The following TMEM126A variants were observed in gnomAD, a reference collection of about 807,000 sequenced individuals.
The protein encoded by TMEM126A is transmembrane protein 126A, also known as optic atrophy 7.
Under a neutral mutation model 18.3 loss-of-function variants are expected in TMEM126A, and 10 were observed. That is an observed-to-expected ratio of 0.55 (90% CI 0.34 to 0.93). The LOEUF (loss-of-function observed/expected upper bound fraction) is 0.93, where lower values mean the gene tolerates loss of function less well. TMEM126A is among the 40% of genes least tolerant of loss of function. The probability of loss-of-function intolerance (pLI) is 0.02; values close to 1 mark genes in which losing one functional copy is unlikely to be tolerated. For missense variants in TMEM126A, 246 were observed against 230.2 expected (o/e 1.07, Z -0.44); for synonymous variants, 68 against 78.1 (o/e 0.87, Z 0.68).
At chr11:85,654,879 T>C (rs1332790961) in intron 3 of TMEM126A, among the ~76,000 whole-genome samples, 2 of 150,540 alleles carry the variant, frequency 1.3e-5, no homozygotes, top group African/African-American at 2.4e-5. Flanking sequence ...CAAATGTATA[T>C]AAATAATATG....
chr11:85,653,151 TAGAA>T (rs1184624479), intron 2 of TMEM126A, among the ~76,000 whole-genome samples: 3 of 152,210 alleles, frequency 2.0e-5, no homozygotes, highest in African/African-American at 7.2e-5. Context: ...ACCTTGAAGA[TAGAA>T]GGTAATTTTT....
In TMEM126A at chr11:85,656,534, G is replaced by T; in HGVS notation, c.*33G>T. Reference sequence around the variant, plus strand: ...CAAATATGTAAACAAAAATAAAATGGTAAAAACAGTTTATGTCTAATGTTA... The same window carrying T: ...CAAATATGTAAACAAAAATAAAATGTTAAAAACAGTTTATGTCTAATGTTA... On this transcript the variant is annotated 3_prime_UTR_variant, in exon 5 of 5. Transcript: ENST00000304511. 6.5e-7 allele frequency: 1 copy of T among 1,541,954 alleles called. No individual in the cohort carries two copies. Among genetic ancestry groups the T allele is most frequent in the Non-Finnish European group, 8.9e-7 (1 of 1,120,638 alleles).
rs1240627160 is a variant in TMEM126A at position 85,653,016 on chromosome 11, A to G, written c.87-1047A>G. On this transcript the variant is annotated intron_variant, in intron 2 of 4. Transcript: ENST00000304511. ...GTAGGTTCTCCAGACTGTCATCACT[A>G]ATTATAATCTATGTACTCCAAGTTC... Among the ~76,000 whole-genome samples the G allele has an allele frequency of 5.9e-5, 9 of 152,162 alleles. No homozygotes were observed. The East Asian group carries it at 1.7e-3, about 29-fold the overall frequency.
intron 2 of TMEM126A, among the ~76,000 whole-genome samples, chr11:85,652,126 TGCAC>T (rs1448091961): frequency 6.6e-6 from 1 of 152,228 alleles, no homozygotes; most frequent in Non-Finnish European, 1.5e-5. Context: ...ATCATGCCAC[TGCAC>T]TCCAGCCTGG....
intron 2 of TMEM126A, among the ~76,000 whole-genome samples, chr11:85,653,496 A>G (rs959063420): frequency 6.6e-6 from 1 of 152,244 alleles, no homozygotes; most frequent in African/African-American, 2.4e-5. Flanking sequence ...TCCCAAAACT[A>G]AAGAATGCAT....
At chr11:85,648,888 A>T (rs775622754) in intron 1 of TMEM126A, among the ~76,000 whole-genome samples, 2 of 152,120 alleles carry the variant, frequency 1.3e-5, no homozygotes, top group African/African-American at 2.4e-5. Context: ...GAAATGAGAA[A>T]ATCTGGTTTC....
intron 2 of TMEM126A, among the ~76,000 whole-genome samples, chr11:85,650,940 G>A (rs777150045): frequency 7.9e-5 from 12 of 151,798 alleles, no homozygotes; most frequent in Non-Finnish European, 1.3e-4. Context: ...GTGGTGGCAG[G>A]TGCCTGTAAT....
Position 85,656,456 on chromosome 11 carries a change from T to C in TMEM126A, c.543T>C (p.Leu181=). The C allele has an allele frequency of 4.3e-6, 7 of 1,613,298 alleles. No homozygotes were observed. Among genetic ancestry groups the C allele is most frequent in the Non-Finnish European group, 5.9e-6 (7 of 1,179,610 alleles). ...TTGGGTCTGAACAATATAAACTACT[T>C]ATAAAGGCCCTTCAGTTATCTGAAC... ...AYLGSEQYKL[L]IKALQLSEPG... Residue 181 remains leucine (L), a synonymous_variant, in exon 5 of 5, where the codon CTT becomes CTC. Coordinates refer to ENST00000304511, the MANE Select transcript of TMEM126A (RefSeq NM_032273.4).
chr11:85,654,831 T>C (rs1411423198), intron 3 of TMEM126A, among the ~76,000 whole-genome samples: 1 of 150,804 alleles, frequency 6.6e-6, no homozygotes, highest in East Asian at 1.9e-4. Flanking sequence ...TATATACATA[T>C]ATATGAAAAT....
At chr11:85,648,252 G>A (rs910617773) in intron 1 of TMEM126A, among the ~76,000 whole-genome samples, 163 bp downstream of exon 1, 1 of 152,218 alleles carries the variant, frequency 6.6e-6, no homozygotes, top group East Asian at 1.9e-4. Flanking sequence ...TAGAAGGAAA[G>A]ACCTTATATT....
intron 1 of TMEM126A, among the ~76,000 whole-genome samples, chr11:85,648,420 C>T (rs2082476499): frequency 6.6e-6 from 1 of 152,148 alleles, no homozygotes; most frequent in Non-Finnish European, 1.5e-5. Flanking sequence ...CAGAGCTCTT[C>T]CAAGAATGAC....
At position 85,654,161 on chromosome 11, in the gene TMEM126A, A is replaced by C. The variant is rs745535321; in HGVS notation, c.185A>C (p.Lys62Thr). 4 of 1,614,188 alleles carry C rather than the reference A, an allele frequency of 2.5e-6. No homozygotes were observed. Among genetic ancestry groups the C allele is most frequent in the African/African-American group, 2.7e-5 (2 of 75,034 alleles). Reference protein sequence around the residue: ...SLFRRILNVTKARIAAGLPMA... With the variant: ...SLFRRILNVTTARIAAGLPMA... ...TTTCGACGCATCTTGAATGTGACAA[A>C]GGCTCGCATAGCTGCTGGCTTACCA... The change falls in exon 3 of 5, where the codon AAG (lysine) becomes ACG (threonine). Residue 62 changes from lysine (K) to threonine (T), a missense_variant. By Grantham distance (78) the Lys-to-Thr change is moderately conservative. Coordinates refer to ENST00000304511, the MANE Select transcript of TMEM126A (RefSeq NM_032273.4).
chr11:85,651,824 T>C (rs2082502438), intron 2 of TMEM126A, among the ~76,000 whole-genome samples: 1 of 152,190 alleles, frequency 6.6e-6, no homozygotes, highest in Admixed American at 6.5e-5. Context: ...AGGAACTATG[T>C]CCATGTTTCC....
intron 2 of TMEM126A, 97 bp from the exon 3 acceptor site, chr11:85,653,966 T>C: frequency 1.5e-6 from 2 of 1,371,176 alleles, no homozygotes; most frequent in South Asian, 2.3e-5. Context: ...TCGTATCCAG[T>C]TAGTGTATTC....
rs1047004843 is a variant in TMEM126A, at chr11:85,648,681, T to C, written c.-8+592T>C. On this transcript the variant is annotated intron_variant, in intron 1 of 4. Transcript: ENST00000304511. ...GTACAGCAGAGATTGTGTCTTATCA[T>C]CTTATCGTAGCCAAGGCCCTCAAAA... Among the ~76,000 whole-genome samples, 8 of 152,266 alleles carry C rather than the reference T, an allele frequency of 5.3e-5. No homozygotes were observed. In the South Asian group the frequency reaches 1.4e-3, roughly 28 times the overall value.
At chr11:85,648,941 T>C (rs1017186452) in intron 1 of TMEM126A, among the ~76,000 whole-genome samples, 1 of 151,236 alleles carries the variant, frequency 6.6e-6, no homozygotes, top group African/African-American at 2.4e-5. Context: ...GAACTGTTTT[T>C]TTTTTTTTTT....
Position 85,650,335 on chromosome 11 carries a change from C to G in TMEM126A, c.80C>G (p.Ala27Gly), listed in dbSNP as rs746123060. Residue 27 changes from alanine to glycine, a missense_variant, in exon 2 of 5, where the codon GCA becomes GGA. Ala to Gly is a moderately conservative substitution (Grantham distance 60). Coordinates refer to ENST00000304511, the MANE Select transcript of TMEM126A (RefSeq NM_032273.4). ...ISRKINQLPE[A>G]ERNLLENGSV... Reference sequence around the variant, plus strand: ...AGAAAAATTAACCAGCTTCCAGAAGCAGAAAGGTAAGATCCCTTCTTAATT... The same window carrying G: ...AGAAAAATTAACCAGCTTCCAGAAGGAGAAAGGTAAGATCCCTTCTTAATT... The G allele has an allele frequency of 6.2e-7, 1 of 1,600,894 alleles. No homozygotes were observed. The highest frequency in any genetic ancestry group is 1.7e-5 in the Admixed American group (1 of 59,964).
chr11:85,650,415 A>T (rs780154730), intron 2 of TMEM126A, 74 bp downstream of exon 2: 11 of 1,126,974 alleles, frequency 9.8e-6, no homozygotes, highest in East Asian at 9.7e-5. Context: ...TCTCAAGTTT[A>T]TCTGGTTTGA....
In TMEM126A at chr11:85,654,637, G is replaced by C. The variant is rs576115526; in HGVS notation, c.280+381G>C. 2.0e-5 allele frequency among the ~76,000 whole-genome samples: 3 copies of C among 151,986 alleles called. No homozygotes were observed. In the South Asian group the frequency reaches 6.2e-4, roughly 32 times the overall value. ...CGGCTAATTTTTTGTATTTTTAGTA[G>C]AGACAGGGTTTCACCATGTTGGCCA... On this transcript the variant is annotated intron_variant, in intron 3 of 4. Coordinates refer to ENST00000304511, the MANE Select transcript of TMEM126A (RefSeq NM_032273.4).
Sources: allele counts gnomAD v4.1 joint callset (sites outside exome capture counted in the v4.1 genomes callset), GRCh38; gene constraint gnomAD v4.1.1; transcripts MANE v1.5; gene names NCBI Gene and HGNC (gene_info 2026-07-23, HGNC 2026-07-21).